Variants in ODAD2 observed in about 807,000 individuals in gnomAD.
ODAD2 encodes outer dynein arm-docking complex subunit 2.
ODAD2 carries 89 observed loss-of-function variants against 106.8 expected under a neutral mutation model. That is an observed-to-expected ratio of 0.83 (90% CI 0.70 to 0.99). ODAD2 has a LOEUF of 0.99. ODAD2 is among the 50% of genes least tolerant of loss of function. ODAD2 has a pLI of 0.00. For missense variants in ODAD2, 1,168 were observed against 1,238.5 expected, an observed-to-expected ratio of 0.94 and a Z score of 0.85; for synonymous variants, 404 against 436.2, an observed-to-expected ratio of 0.93 and a Z score of 0.92.
rs761710990 is a variant in ODAD2 at position 27,944,240 on chromosome 10, G to C, written c.1725C>G (p.His575Gln). 1.9e-6 allele frequency: 3 copies of C among 1,612,718 alleles called. No homozygotes were observed. The highest frequency in any genetic ancestry group is 2.5e-6 in the Non-Finnish European group (3 of 1,179,814). ...FKRARRVVRQHGGITKLVALL... is the reference protein window; with the variant it reads ...FKRARRVVRQQGGITKLVALL... Reference sequence around the variant, plus strand: ...TACTCACCAGTTTGGTGATACCCCCGTGCTGCCTCACCACCCGCCGTGCTC... The same window carrying C: ...TACTCACCAGTTTGGTGATACCCCCCTGCTGCCTCACCACCCGCCGTGCTC... Residue 575 changes from histidine to glutamine, a missense_variant, in exon 12 of 20, where the codon CAC (histidine) becomes CAG (glutamine). Physicochemically the swap from His to Gln is conservative, Grantham distance 24 (BLOSUM62 0). This residue lies in a region of ODAD2 where 701 missense variants were observed against 712.3 expected (regional missense o/e 0.98). Transcript: ENST00000305242.
intron 19 of ODAD2, among the ~76,000 whole-genome samples, chr10:27,815,874 C>T (rs1292813046): frequency 6.6e-6 from 1 of 152,194 alleles, no homozygotes; most frequent in Non-Finnish European, 1.5e-5. Context: ...ATATCCAACA[C>T]TTCTTAGCCA....
At chr10:27,910,767 AAAAC>A (rs369923176) in intron 16 of ODAD2, among the ~76,000 whole-genome samples, 11 of 152,198 alleles carry the variant, frequency 7.2e-5, no homozygotes, top group African/African-American at 1.4e-4. Context: ...AAAAAAACAA[AAAAC>A]AAACAAACAA....
intron 17 of ODAD2, among the ~76,000 whole-genome samples, chr10:27,885,236 G>A (rs1227954434): frequency 6.6e-6 from 1 of 151,246 alleles, no homozygotes; most frequent in East Asian, 1.9e-4. Flanking sequence ...AATAGGCCTG[G>A]CATGGTGGCT....
At position 27,935,026 on chromosome 10, in the gene ODAD2, C is replaced by A. The variant is rs765722458; in HGVS notation, c.2479G>T (p.Glu827Ter). The A allele has an allele frequency of 1.2e-6, 2 of 1,613,954 alleles. No homozygotes were observed. The highest frequency in any genetic ancestry group is 1.7e-6 in the Non-Finnish European group (2 of 1,179,852). ...VTKAVGACAV[E>*]PESMMIIDRL... The stretch of plus-strand genomic sequence containing the variant: ...GCCACTTACATCATACTTTCAGGTT[C>A]TACTGCACAAGCACCAACTGCTTTT... The change falls in exon 16 of 20, where the codon GAA (glutamate) becomes TAA (stop). Residue 827 changes from glutamate to a stop codon, truncating the protein, a stop_gained. Coordinates refer to ENST00000305242, the MANE Select transcript of ODAD2 (RefSeq NM_018076.5). LOFTEE classifies it high-confidence loss of function.
At chr10:27,962,213 C>T (rs558322878) in intron 9 of ODAD2, among the ~76,000 whole-genome samples, 34 of 152,306 alleles carry the variant, frequency 2.2e-4, no homozygotes, top group Admixed American at 1.2e-3. Flanking sequence ...CCTAAGCCTG[C>T]GCTTTTCAAT....
intron 4 of ODAD2, 133 bp from the exon 5 acceptor site, chr10:27,984,423 A>G (rs936407389): frequency 1.6e-6 from 1 of 628,650 alleles, no homozygotes; most frequent in African/African-American, 1.8e-5. Context: ...CCGTGCTATA[A>G]TTTTATAACA....
chr10:27,941,355 C>G (rs946159807), intron 12 of ODAD2, among the ~76,000 whole-genome samples: 1 of 150,720 alleles, frequency 6.6e-6, no homozygotes, highest in Non-Finnish European at 1.5e-5. Flanking sequence ...TGTGGTGGTG[C>G]ATGTGTGTAG....
intron 17 of ODAD2, among the ~76,000 whole-genome samples, chr10:27,875,767 A>C (rs914308295): frequency 9.2e-5 from 14 of 152,204 alleles, no homozygotes; most frequent in South Asian, 2.1e-4. Context: ...CCCAGGAAGC[A>C]CAAGGGGTCA....
At chr10:27,925,480 C>A (rs1845190345) in intron 16 of ODAD2, among the ~76,000 whole-genome samples, 1 of 152,186 alleles carries the variant, frequency 6.6e-6, no homozygotes, top group African/African-American at 2.4e-5. Flanking sequence ...ACCTCAACCT[C>A]CTGAAAGGCT....
At chr10:27,885,570 AT>A (rs1842056751) in intron 17 of ODAD2, among the ~76,000 whole-genome samples, 1 of 78,832 alleles carries the variant, frequency 1.3e-5, no homozygotes, top group African/African-American at 5.1e-5. Context: ...ATAAATATAT[AT>A]ATATATAAAT....
rs1846086596 is a variant in ODAD2 at position 27,937,642 on chromosome 10, G to A, written c.2098-762C>T. ...AGATGATACAGTTAGCAGAGACTTG[G>A]CAATTACTCCAAGCACACAGATGTT... On this transcript the variant is annotated intron_variant, in intron 14 of 19. Transcript: ENST00000305242. Among the ~76,000 whole-genome samples, 2 of 152,124 alleles carry A rather than the reference G, an allele frequency of 1.3e-5. 1 individual carries two copies. Among genetic ancestry groups the A allele is most frequent in the African/African-American group, 4.8e-5 (2 of 41,406 alleles).
At chr10:27,948,838 T>G (rs1409567176) in intron 10 of ODAD2, among the ~76,000 whole-genome samples, 1 of 150,696 alleles carries the variant, frequency 6.6e-6, no homozygotes, top group African/African-American at 2.5e-5. Flanking sequence ...TTTTTTTTTT[T>G]CAATTGACAT....
At chr10:27,845,256 G>C (rs1336158522) in intron 19 of ODAD2, among the ~76,000 whole-genome samples, 1 of 152,142 alleles carries the variant, frequency 6.6e-6, no homozygotes, top group South Asian at 2.1e-4. Flanking sequence ...AAGAGAGTGG[G>C]GGCTGATATT....
At chr10:27,860,468 T>C (rs965257005) in intron 19 of ODAD2, among the ~76,000 whole-genome samples, 157 bp downstream of exon 19, 23 of 151,976 alleles carry the variant, frequency 1.5e-4, no homozygotes, top group African/African-American at 4.8e-5. Flanking sequence ...AAAAAAAAAG[T>C]CATGATAACA....
At chr10:27,964,901 T>C (rs978340109) in intron 9 of ODAD2, among the ~76,000 whole-genome samples, 9 of 152,156 alleles carry the variant, frequency 5.9e-5, no homozygotes, top group African/African-American at 7.2e-5. Flanking sequence ...AATTAATAAA[T>C]TAAAGCAAGT....
intron 19 of ODAD2, among the ~76,000 whole-genome samples, chr10:27,852,622 A>G (rs1330361563): frequency 6.6e-6 from 1 of 152,186 alleles, no homozygotes; most frequent in Admixed American, 6.5e-5. Flanking sequence ...TAAAGAGAAA[A>G]AGCAGATGGG....
chr10:27,897,040 T>C (rs1842905769), intron 17 of ODAD2, among the ~76,000 whole-genome samples: 1 of 152,210 alleles, frequency 6.6e-6, no homozygotes, highest in African/African-American at 2.4e-5. Context: ...TCTTTTCACT[T>C]TTCAAGGGAA....
At chr10:27,827,268 A>G (rs1391978247) in intron 19 of ODAD2, among the ~76,000 whole-genome samples, 1 of 151,224 alleles carries the variant, frequency 6.6e-6, no homozygotes, top group African/African-American at 2.4e-5. Flanking sequence ...TTGTCTATAC[A>G]CCCTCCAAAG....
chr10:27,989,181 A>G (rs1406765225), intron 2 of ODAD2, among the ~76,000 whole-genome samples: 1 of 152,154 alleles, frequency 6.6e-6, no homozygotes, highest in Non-Finnish European at 1.5e-5. Flanking sequence ...AAGATAATAC[A>G]TTTGTGTGTG....
Sources: allele counts gnomAD v4.1 joint callset (sites outside exome capture counted in the v4.1 genomes callset), GRCh38; gene constraint gnomAD v4.1.1; regional missense constraint gnomAD v4.1.1; transcripts MANE v1.5; gene names NCBI Gene and HGNC (gene_info 2026-07-23, HGNC 2026-07-21).